BEND7: variants seen among roughly 807,000 people sequenced by gnomAD.
The protein encoded by BEND7 is BEN domain-containing protein 7.
Under a neutral mutation model 50.9 loss-of-function variants are expected in BEND7, and 28 were observed. The ratio of observed to expected loss-of-function variants is 0.55; its 90% CI spans 0.41 to 0.75. BEND7 has a LOEUF of 0.75. Among genes scored for constraint, BEND7 ranks in the 30% least tolerant of loss-of-function variants. BEND7 has a pLI of 0.00. For synonymous variants in BEND7, 170 were observed against 183.9 expected (o/e 0.92, Z 0.61); for missense variants, 477 against 491.3 (o/e 0.97, Z 0.28).
intron 6 of BEND7, among the ~76,000 whole-genome samples, chr10:13,476,173 T>G (rs2075418660): frequency 6.6e-6 from 1 of 152,036 alleles, no homozygotes; most frequent in East Asian, 1.9e-4. Context: ...GTATCTAGAG[T>G]CACAAGAATA....
chr10:13,515,003 TTAAGGA>T (rs1485989407), intron 2 of BEND7, among the ~76,000 whole-genome samples: 2 of 152,230 alleles, frequency 1.3e-5, no homozygotes, highest in Non-Finnish European at 2.9e-5. Context: ...AAATAAATTG[TTAAGGA>T]TATTATTCCT....
intron 5 of BEND7, among the ~76,000 whole-genome samples, chr10:13,484,245 T>C (rs2076068461): frequency 6.6e-6 from 1 of 152,198 alleles, no homozygotes; most frequent in Non-Finnish European, 1.5e-5. Flanking sequence ...GCGCCAATGC[T>C]ATCTACGTGT....
chr10:13,454,063 C>G (rs1264367788), intron 6 of BEND7, among the ~76,000 whole-genome samples: 1 of 152,150 alleles, frequency 6.6e-6, no homozygotes, highest in Admixed American at 6.5e-5. Flanking sequence ...AGGGAGTTCC[C>G]CTTCAGGAAG....
At chr10:13,439,958 C>G (rs118149981), downstream of BEND7, among the ~76,000 whole-genome samples, 2,657 of 152,312 alleles carry the variant, frequency 0.017, 37 homozygotes, top group Non-Finnish European at 0.028. Context: ...ACCAGTCGCC[C>G]TAAACACCCA....
chr10:13,527,963 A>G (rs879294911), intron 1 of BEND7: 1 of 384,238 alleles, frequency 2.6e-6, no homozygotes, highest in Admixed American at 6.4e-5. Context: ...AACCCAAATC[A>G]GCTAGCTAGA....
At chr10:13,468,050 A>C (rs1245431162) in intron 6 of BEND7, among the ~76,000 whole-genome samples, 1 of 152,186 alleles carries the variant, frequency 6.6e-6, no homozygotes, top group Non-Finnish European at 1.5e-5. Context: ...GGGAAGTTCA[A>C]GTATAAAGCG....
intron 1 of BEND7, among the ~76,000 whole-genome samples, chr10:13,526,556 G>A (rs2079470188): frequency 6.6e-6 from 1 of 152,130 alleles, no homozygotes; most frequent in Non-Finnish European, 1.5e-5. Flanking sequence ...GAGCAGGGGA[G>A]GTTTCCAAAT....
chr10:13,500,942 A>T, intron 2 of BEND7: 1 of 576,498 alleles, frequency 1.7e-6, no homozygotes, highest in Non-Finnish European at 2.2e-6. Flanking sequence ...GCCACTTTGA[A>T]ATCCCACTTC....
intron 6 of BEND7, 137 bp from the exon 7 acceptor site, chr10:13,452,795 G>C: frequency 1.3e-6 from 1 of 750,592 alleles, no homozygotes; most frequent in East Asian, 3.1e-5. Context: ...TTCGGTATCT[G>C]TATTATATTT....
chr10:13,523,159 A>C (rs905459813), intron 2 of BEND7, among the ~76,000 whole-genome samples: 15 of 152,216 alleles, frequency 9.9e-5, no homozygotes, highest in Non-Finnish European at 1.9e-4. Flanking sequence ...CTATAAAGAC[A>C]CTGGCTGAAC....
chr10:13,526,880 G>C (rs943348749), intron 1 of BEND7, among the ~76,000 whole-genome samples: 9 of 152,230 alleles, frequency 5.9e-5, no homozygotes, highest in African/African-American at 1.9e-4. Flanking sequence ...AAGAAAAAAG[G>C]AAAAAGGAAA....
chr10:13,468,604 G>A (rs2074491497), intron 6 of BEND7, among the ~76,000 whole-genome samples: 1 of 152,196 alleles, frequency 6.6e-6, no homozygotes, highest in Non-Finnish European at 1.5e-5. Flanking sequence ...TTAGGAACTG[G>A]AAGGAGAAAG....
At chr10:13,444,386 T>C (rs982592050) in intron 8 of BEND7, 1 of 152,200 alleles carries the variant, frequency 6.6e-6, no homozygotes, top group Non-Finnish European at 1.5e-5. Context: ...AACCCTACCC[T>C]AGTCACTTCT....
intron 2 of BEND7, among the ~76,000 whole-genome samples, chr10:13,518,085 G>A (rs1254857904): frequency 6.6e-6 from 1 of 152,156 alleles, no homozygotes; most frequent in Non-Finnish European, 1.5e-5. Context: ...TTGTCAACAC[G>A]TTTCCTTAGA....
At chr10:13,518,427 A>G (rs2078854191) in intron 2 of BEND7, among the ~76,000 whole-genome samples, 1 of 152,264 alleles carries the variant, frequency 6.6e-6, no homozygotes, top group African/African-American at 2.4e-5. Flanking sequence ...GATCTTTAAT[A>G]CATGGCTTTA....
At chr10:13,513,055 C>A (rs950194718) in intron 2 of BEND7, among the ~76,000 whole-genome samples, 1 of 152,354 alleles carries the variant, frequency 6.6e-6, no homozygotes, top group Non-Finnish European at 1.5e-5. Flanking sequence ...CAACTCTTAA[C>A]AACAGTGTGA....
rs188094435 is a variant in BEND7 at position 13,516,602 on chromosome 10, T to C, written c.145+9536A>G. On this transcript the variant is annotated intron_variant, in intron 2 of 8. Coordinates refer to ENST00000466271, the MANE Select transcript of BEND7 (RefSeq NM_001369863.1). ...CTAGCCAGGCGTGGTGGCACGTGCCTATAGTCCCAGCTACTCGGGAGGCTG... is the reference window on the plus strand; with the variant it reads ...CTAGCCAGGCGTGGTGGCACGTGCCCATAGTCCCAGCTACTCGGGAGGCTG... Among the ~76,000 whole-genome samples, 64 of 152,202 alleles carry C rather than the reference T, an allele frequency of 4.2e-4. 1 individual carries two copies. The highest frequency in any genetic ancestry group is 1.4e-3 in the African/African-American group (59 of 41,532).
chr10:13,512,873 G>A (rs1311158684), intron 2 of BEND7, among the ~76,000 whole-genome samples: 1 of 152,140 alleles, frequency 6.6e-6, no homozygotes, highest in African/African-American at 2.4e-5. Context: ...GGGCCCCAAG[G>A]GACCTGGAGA....
At chr10:13,496,631 C>G in intron 4 of BEND7, 135 bp downstream of exon 4, 4 of 1,072,114 alleles carry the variant, frequency 3.7e-6, no homozygotes, top group Non-Finnish European at 5.3e-6. Flanking sequence ...GCTGAAAAAA[C>G]AGATACTTGA....
Sources: gnomAD v4.1 joint callset for allele counts (sites outside exome capture counted in the v4.1 genomes callset) on GRCh38, gnomAD v4.1.1 for gene constraint, MANE v1.5 for transcripts, NCBI Gene and HGNC (gene_info 2026-07-23, HGNC 2026-07-21) for gene names.